PXDNL: variants seen among roughly 807,000 people sequenced by gnomAD.
PXDNL encodes the protein probable oxidoreductase PXDNL.
A neutral mutation model predicts 150.8 loss-of-function variants in PXDNL; 145 were observed. The ratio of observed to expected loss-of-function variants is 0.96; its 90% CI spans 0.84 to 1.10. The LOEUF (loss-of-function observed/expected upper bound fraction) is 1.10. Ranked by LOEUF, PXDNL falls within the 50% of genes least tolerant of loss-of-function variation. PXDNL has a pLI of 0.00. For missense variants in PXDNL, 2,087 were observed against 1,873.9 expected (o/e 1.11, Z -2.10); for synonymous variants, 757 against 725.7 (o/e 1.04, Z -0.69).
chr8:51,798,973 A>T (rs2037590764), intron 1 of PXDNL, among the ~76,000 whole-genome samples: 1 of 152,244 alleles, frequency 6.6e-6, no homozygotes, highest in Non-Finnish European at 1.5e-5. Flanking sequence ...AATAGTTAAG[A>T]CATGGAATCA....
intron 21 of PXDNL, among the ~76,000 whole-genome samples, chr8:51,327,629 G>T (rs745974007): frequency 1.3e-4 from 20 of 152,170 alleles, no homozygotes; most frequent in Non-Finnish European, 2.2e-4. Flanking sequence ...TTATGCAAGA[G>T]CATGGCCCAT....
intron 17 of PXDNL, among the ~76,000 whole-genome samples, chr8:51,381,177 C>G (rs1300455433): frequency 1.3e-5 from 2 of 152,252 alleles, no homozygotes; most frequent in Middle Eastern, 3.4e-3. Flanking sequence ...TTTGCATTCC[C>G]TAAATGACTC....
intron 2 of PXDNL, among the ~76,000 whole-genome samples, chr8:51,643,159 C>A (rs1814812826): frequency 6.6e-6 from 1 of 152,134 alleles, no homozygotes; most frequent in South Asian, 2.1e-4. Flanking sequence ...ATCAAGCTAC[C>A]AATGACTTTC....
intron 1 of PXDNL, among the ~76,000 whole-genome samples, chr8:51,699,786 G>A (rs1165388812): frequency 2.0e-5 from 3 of 152,110 alleles, no homozygotes; most frequent in South Asian, 2.1e-4. Flanking sequence ...CATGTCTTAA[G>A]GAATAGGAAG....
Position 51,685,736 on chromosome 8 carries a change from A to G in PXDNL, c.165-30976T>C, listed in dbSNP as rs560436754. Among the ~76,000 whole-genome samples the G allele has an allele frequency of 1.5e-3, 222 of 152,252 alleles. 1 individual carries two copies. Among genetic ancestry groups the G allele is most frequent in the African/African-American group, 5.1e-3 (212 of 41,552 alleles). ...CTTCCTCTTGAAGTCTCAGAACCTC[A>G]TCTCCCTTATTCATACACACTAATG... On this transcript the variant is annotated intron_variant, in intron 1 of 22. Coordinates refer to ENST00000356297, the MANE Select transcript of PXDNL (RefSeq NM_144651.5).
intron 3 of PXDNL, among the ~76,000 whole-genome samples, chr8:51,564,326 A>C (rs1812770802): frequency 6.6e-6 from 1 of 151,962 alleles, no homozygotes; most frequent in Non-Finnish European, 1.5e-5. Flanking sequence ...GGTTAGAAAA[A>C]GGGATAATGG....
intron 2 of PXDNL, among the ~76,000 whole-genome samples, chr8:51,635,355 C>A (rs1814584971): frequency 6.6e-6 from 1 of 151,210 alleles, no homozygotes; most frequent in African/African-American, 2.4e-5. Flanking sequence ...TGCAAAGCAA[C>A]CAGAAGGAAG....
chr8:51,331,766 CT>C (rs1156792875), intron 21 of PXDNL, among the ~76,000 whole-genome samples: 1 of 152,034 alleles, frequency 6.6e-6, no homozygotes, highest in Admixed American at 6.5e-5. Context: ...CATAATCCTC[CT>C]AGGTACTAGG....
intron 1 of PXDNL, among the ~76,000 whole-genome samples, chr8:51,670,458 C>G (rs1416856636): frequency 6.6e-6 from 1 of 152,100 alleles, no homozygotes; most frequent in African/African-American, 2.4e-5. Flanking sequence ...CCCTATTGTT[C>G]CTAGGCTACA....
intron 2 of PXDNL, among the ~76,000 whole-genome samples, chr8:51,612,333 G>A (rs930889794): frequency 2.6e-5 from 4 of 152,122 alleles, no homozygotes; most frequent in African/African-American, 9.7e-5. Flanking sequence ...GAGTAAAATT[G>A]AGATATTTAA....
At chr8:51,787,672 G>A (rs569959214) in intron 1 of PXDNL, among the ~76,000 whole-genome samples, 1 of 152,264 alleles carries the variant, frequency 6.6e-6, no homozygotes, top group Non-Finnish European at 1.5e-5. Context: ...GTCAACTGCT[G>A]GTGAAGATAC....
chr8:51,752,983 G>T (rs1208089318), intron 1 of PXDNL, among the ~76,000 whole-genome samples: 2 of 152,234 alleles, frequency 1.3e-5, no homozygotes, highest in Non-Finnish European at 2.9e-5. Flanking sequence ...GAATCCTGGG[G>T]AAAGGCTTCG....
intron 2 of PXDNL, among the ~76,000 whole-genome samples, chr8:51,605,015 T>C (rs1813811664): frequency 6.6e-6 from 1 of 152,178 alleles, no homozygotes; most frequent in Non-Finnish European, 1.5e-5. Context: ...TATTCAGAAA[T>C]ACCAAGTTAA....
chr8:51,381,570 T>C (rs1807540442), intron 17 of PXDNL, among the ~76,000 whole-genome samples: 1 of 152,138 alleles, frequency 6.6e-6, no homozygotes, highest in African/African-American at 2.4e-5. Flanking sequence ...GCTGATGTGA[T>C]CAAGTTAAGA....
intron 1 of PXDNL, among the ~76,000 whole-genome samples, chr8:51,801,052 G>A (rs1164438906): frequency 3.3e-5 from 5 of 152,292 alleles, no homozygotes; most frequent in South Asian, 4.1e-4. Flanking sequence ...TTTGCAGAGA[G>A]CCTATAAATT....
intron 9 of PXDNL, among the ~76,000 whole-genome samples, chr8:51,455,379 G>A (rs1432305804): frequency 6.6e-6 from 1 of 152,084 alleles, no homozygotes; most frequent in African/African-American, 2.4e-5. Context: ...GTGTTTGACA[G>A]ATGTAAAGAT....
At chr8:51,719,578 A>T (rs547128439) in intron 1 of PXDNL, among the ~76,000 whole-genome samples, 1 of 151,420 alleles carries the variant, frequency 6.6e-6, no homozygotes, top group Non-Finnish European at 1.5e-5. Flanking sequence ...CTTTCCCTCC[A>T]CTATTGTCCT....
At chr8:51,756,115 C>T (rs533871497) in intron 1 of PXDNL, among the ~76,000 whole-genome samples, 23 of 152,112 alleles carry the variant, frequency 1.5e-4, no homozygotes, top group South Asian at 6.2e-4. Context: ...TGAATTCAAC[C>T]GGGTGCAGTG....
rs570138666 is a variant in PXDNL, at chr8:51,642,427, C to T, written c.236+12262G>A. Among the ~76,000 whole-genome samples, 24 of 151,942 alleles carry T rather than the reference C, an allele frequency of 1.6e-4. No individual in the cohort carries two copies. In the East Asian group the frequency reaches 4.3e-3, roughly 27 times the overall value. On this transcript the variant is annotated intron_variant, in intron 2 of 22. Transcript: ENST00000356297. Reference sequence around the variant, plus strand: ...AACATAATCCAGCATATAAACAGAACCAAAGACAAAAACTACATGATTATC... The same window carrying T: ...AACATAATCCAGCATATAAACAGAATCAAAGACAAAAACTACATGATTATC...
Sources: gnomAD v4.1 joint callset for allele counts (sites outside exome capture counted in the v4.1 genomes callset) on GRCh38, gnomAD v4.1.1 for gene constraint, MANE v1.5 for transcripts, NCBI Gene and HGNC (gene_info 2026-07-23, HGNC 2026-07-21) for gene names.